The following C6 variants were observed in gnomAD, a reference collection of about 807,000 sequenced individuals.
C6 encodes the protein complement C6, also known as complement component C6.
A neutral mutation model predicts 112.9 loss-of-function variants in C6; 101 were observed. That is an observed-to-expected ratio of 0.89 (90% CI 0.76 to 1.06). C6 has a LOEUF of 1.06. Among genes scored for constraint, C6 ranks in the 50% least tolerant of loss-of-function variants. The pLI, the probability that C6 is intolerant of heterozygous loss-of-function variation, is 0.00. For missense variants in C6, 1,202 were observed against 1,104.6 expected (o/e 1.09, Z -1.25); for synonymous variants, 431 against 384.1 (o/e 1.12, Z -1.43).
intron 1 of C6, among the ~76,000 whole-genome samples, chr5:41,209,135 A>C (rs544645591): frequency 4.6e-5 from 7 of 152,336 alleles, no homozygotes; most frequent in South Asian, 2.1e-4. Flanking sequence ...GATTATCTCA[A>C]TAGATGCAGA....
chr5:41,209,068 A>G (rs1457586774), intron 1 of C6, among the ~76,000 whole-genome samples: 2 of 152,198 alleles, frequency 1.3e-5, no homozygotes, highest in African/African-American at 4.8e-5. Context: ...TGTTTAACTT[A>G]CCCAAATCAA....
chr5:41,242,381 T>G (rs562738000), intron 1 of C6, among the ~76,000 whole-genome samples: 1 of 152,334 alleles, frequency 6.6e-6, no homozygotes, highest in South Asian at 2.1e-4. Flanking sequence ...TCCTTTGCCT[T>G]CTGCCATGAT....
intron 1 of C6, among the ~76,000 whole-genome samples, chr5:41,242,728 G>A (rs1056544856): frequency 3.3e-5 from 5 of 151,768 alleles, no homozygotes; most frequent in African/African-American, 9.7e-5. Context: ...CCCACATTTA[G>A]GCTTTCCTGT....
At chr5:41,222,145 G>A (rs1241649744) in intron 1 of C6, among the ~76,000 whole-genome samples, 7 of 147,726 alleles carry the variant, frequency 4.7e-5, no homozygotes, top group Non-Finnish European at 3.0e-5. Flanking sequence ...TTGCCTGGGC[G>A]ACAGAGAGAG....
At chr5:41,222,556 C>G (rs922349758) in intron 1 of C6, among the ~76,000 whole-genome samples, 29 of 151,974 alleles carry the variant, frequency 1.9e-4, no homozygotes, top group African/African-American at 7.0e-4. Flanking sequence ...TAACAAGTTT[C>G]CTTGGGGGGA....
intron 1 of C6, among the ~76,000 whole-genome samples, chr5:41,228,985 G>A (rs1466407466): frequency 1.3e-5 from 2 of 152,046 alleles, no homozygotes; most frequent in Non-Finnish European, 2.9e-5. Flanking sequence ...AATGAGTCAG[G>A]GAGAATTCCT....
intron 1 of C6, among the ~76,000 whole-genome samples, chr5:41,258,060 G>T (rs1741827950): frequency 6.6e-6 from 1 of 151,582 alleles, no homozygotes; most frequent in Admixed American, 6.6e-5. Flanking sequence ...CAACAACAAA[G>T]AAAAAACCCA....
At chr5:41,231,050 T>C (rs1028876264) in intron 1 of C6, among the ~76,000 whole-genome samples, 2 of 152,154 alleles carry the variant, frequency 1.3e-5, no homozygotes, top group Non-Finnish European at 2.9e-5. Flanking sequence ...AGTATCTTTT[T>C]CTATTCTTTC....
At chr5:41,154,793 C>A (rs1014640295) in intron 14 of C6, among the ~76,000 whole-genome samples, 179 bp downstream of exon 14, 5 of 152,168 alleles carry the variant, frequency 3.3e-5, no homozygotes, top group Non-Finnish European at 7.4e-5. Flanking sequence ...TGGAGATAAT[C>A]TGGAAATCCA....
chr5:41,191,310 C>A (rs1398943548), intron 5 of C6, among the ~76,000 whole-genome samples: 4 of 151,988 alleles, frequency 2.6e-5, no homozygotes, highest in South Asian at 2.1e-4. Flanking sequence ...CATGATCCAC[C>A]CGCCTCGGCC....
rs1373816263 is a variant in C6 at position 41,201,664 on chromosome 5, C to A, written c.194G>T (p.Cys65Phe). 4.3e-6 allele frequency: 7 copies of A among 1,613,468 alleles called. No individual in the cohort carries two copies. The African/African-American group carries it at 8.0e-5, about 18-fold the overall frequency. ...YYQENFCEQI[C>F]SKQETRECNW... Reference sequence around the variant, plus strand: ...ACATTCTCTAGTCTCCTGCTTGCTGCAAATCTGTTCACAAAAGTTTTCCTG... The same window carrying A: ...ACATTCTCTAGTCTCCTGCTTGCTGAAAATCTGTTCACAAAAGTTTTCCTG... Residue 65 changes from cysteine to phenylalanine, a missense_variant, in exon 3 of 18, where the codon TGC becomes TTC. Coordinates refer to ENST00000337836, the MANE Select transcript of C6 (RefSeq NM_000065.5).
At chr5:41,255,366 A>G (rs1303236561) in intron 1 of C6, among the ~76,000 whole-genome samples, 1 of 151,122 alleles carries the variant, frequency 6.6e-6, no homozygotes, top group Non-Finnish European at 1.5e-5. Flanking sequence ...GTTAAAAAAA[A>G]AAAAAAGATA....
intron 1 of C6, among the ~76,000 whole-genome samples, chr5:41,251,697 T>C (rs1741372945): frequency 6.6e-6 from 1 of 152,168 alleles, no homozygotes; most frequent in Admixed American, 6.5e-5. Flanking sequence ...GCTAGGCAAA[T>C]ACAAAATATA....
intron 17 of C6, among the ~76,000 whole-genome samples, chr5:41,146,592 A>T (rs998603760): frequency 6.6e-6 from 1 of 152,206 alleles, no homozygotes; most frequent in Non-Finnish European, 1.5e-5. Context: ...TAGCAGAGAA[A>T]GATCATATCT....
chr5:41,150,864 C>A (rs1446075814), intron 15 of C6, among the ~76,000 whole-genome samples: 10 of 144,282 alleles, frequency 6.9e-5, no homozygotes, highest in African/African-American at 2.6e-4. Flanking sequence ...CCAGCCTGGG[C>A]AACAGAGTAA....
chr5:41,234,338 G>A (rs574057308), intron 1 of C6, among the ~76,000 whole-genome samples: 66 of 127,784 alleles, frequency 5.2e-4, no homozygotes, highest in East Asian at 1.4e-3. Flanking sequence ...CTACCCTTTC[G>A]TTTTTTTTTT....
At chr5:41,220,397 A>G (rs1739090908) in intron 1 of C6, among the ~76,000 whole-genome samples, 1 of 152,112 alleles carries the variant, frequency 6.6e-6, no homozygotes, top group Admixed American at 6.6e-5. Flanking sequence ...TCTCTGGTGG[A>G]ACTTGTTTTA....
At position 41,157,664 on chromosome 5, in the gene C6, C is replaced by G. The variant is rs1029236424; in HGVS notation, c.1968+1010G>C. On this transcript the variant is annotated intron_variant, in intron 13 of 17. Transcript: ENST00000337836. ...TCCCAAAGTGTGGCTCCTAAACCAG[C>G]AGCATCCATATTACCTAGGAATGTA... Among the ~76,000 whole-genome samples the G allele has an allele frequency of 2.0e-5, 3 of 152,124 alleles. No homozygotes were observed. The East Asian group carries it at 5.8e-4, about 29-fold the overall frequency.
At chr5:41,241,254 C>G (rs1480975360) in intron 1 of C6, among the ~76,000 whole-genome samples, 2 of 152,166 alleles carry the variant, frequency 1.3e-5, no homozygotes, top group Non-Finnish European at 2.9e-5. Context: ...GTAGGTGGCT[C>G]TCAGGCTCTG....
Sources: gnomAD v4.1 joint callset for allele counts (sites outside exome capture counted in the v4.1 genomes callset) on GRCh38, gnomAD v4.1.1 for gene constraint, MANE v1.5 for transcripts, NCBI Gene and HGNC (gene_info 2026-07-23, HGNC 2026-07-21) for gene names.